Variants in LRRTM3 observed in about 807,000 individuals in gnomAD.
LRRTM3 encodes the protein leucine rich repeat transmembrane neuronal 3, also known as leucine-rich repeat transmembrane neuronal protein 3.
LRRTM3 carries 24 observed loss-of-function variants against 44.7 expected under a neutral mutation model. The ratio of observed to expected loss-of-function variants is 0.54; its 90% CI spans 0.39 to 0.76. The LOEUF is 0.76. LRRTM3 is among the 30% of genes least tolerant of loss of function. The probability of loss-of-function intolerance (pLI) is 0.00; values close to 1 mark genes in which losing one functional copy is unlikely to be tolerated. For synonymous variants in LRRTM3, 277 were observed against 278.7 expected, an observed-to-expected ratio of 0.99 and a Z score of 0.06; for missense variants, 587 against 702.2, an observed-to-expected ratio of 0.84 and a Z score of 1.85.
intron 2 of LRRTM3, among the ~76,000 whole-genome samples, chr10:66,998,436 A>G (rs1340633887): frequency 2.6e-5 from 4 of 152,192 alleles, no homozygotes; most frequent in African/African-American, 9.6e-5. Flanking sequence ...CCCAATAAAT[A>G]CAAAGGGACT....
chr10:67,023,876 C>A (rs1236138741), intron 2 of LRRTM3, among the ~76,000 whole-genome samples: 1 of 152,164 alleles, frequency 6.6e-6, no homozygotes, highest in East Asian at 1.9e-4. Context: ...GAATGACACT[C>A]AATACTTGGA....
intron 2 of LRRTM3, among the ~76,000 whole-genome samples, chr10:67,062,860 G>C (rs1181834136): frequency 6.6e-6 from 1 of 152,162 alleles, no homozygotes; most frequent in Non-Finnish European, 1.5e-5. Context: ...TGTCAGACCT[G>C]AAGTTTGTGT....
intron 2 of LRRTM3, among the ~76,000 whole-genome samples, chr10:66,978,361 A>G (rs1308701298): frequency 6.6e-6 from 1 of 151,246 alleles, no homozygotes; most frequent in African/African-American, 2.4e-5. Flanking sequence ...CCCTGTCTCT[A>G]CTAAAAATAC....
chr10:67,007,000 T>C (rs1852031341), intron 2 of LRRTM3, among the ~76,000 whole-genome samples: 1 of 152,174 alleles, frequency 6.6e-6, no homozygotes, highest in African/African-American at 2.4e-5. Context: ...TTCACCATGT[T>C]GGCCAGGCTG....
intron 2 of LRRTM3, among the ~76,000 whole-genome samples, chr10:67,030,206 T>C (rs1170008758): frequency 6.6e-6 from 1 of 152,222 alleles, no homozygotes; most frequent in African/African-American, 2.4e-5. Context: ...TTATTGCATT[T>C]TTACACTTAG....
intron 2 of LRRTM3, 97 bp from the exon 3 acceptor site, chr10:67,097,490 A>G (rs1858074522): frequency 2.9e-6 from 3 of 1,030,872 alleles, no homozygotes; most frequent in Non-Finnish European, 4.4e-6. Context: ...AGATATAACC[A>G]TGGAGGTTAG....
chr10:66,974,190 T>C (rs891234696), intron 2 of LRRTM3, among the ~76,000 whole-genome samples: 4 of 152,304 alleles, frequency 2.6e-5, no homozygotes, highest in Admixed American at 2.6e-4. Flanking sequence ...AATCATTCAA[T>C]GTAGGTTTTT....
intron 2 of LRRTM3, among the ~76,000 whole-genome samples, chr10:67,017,557 T>C (rs1852731918): frequency 6.6e-6 from 1 of 152,180 alleles, no homozygotes; most frequent in East Asian, 1.9e-4. Flanking sequence ...TTAAGAAATA[T>C]ACTGTGATTC....
chr10:67,004,090 TA>T (rs533856596), intron 2 of LRRTM3, among the ~76,000 whole-genome samples: 3,202 of 145,124 alleles, frequency 0.022, 48 homozygotes, highest in Non-Finnish European at 0.033. Flanking sequence ...ATTTTGATGT[TA>T]AAAAAAAAAA....
chr10:67,002,631 T>C (rs977086631), intron 2 of LRRTM3, among the ~76,000 whole-genome samples: 3 of 152,148 alleles, frequency 2.0e-5, no homozygotes, highest in Non-Finnish European at 4.4e-5. Context: ...ATGGCTCTAA[T>C]GGCTAGCTGG....
chr10:66,958,471 A>T (rs953384073), intron 2 of LRRTM3, among the ~76,000 whole-genome samples: 3 of 151,464 alleles, frequency 2.0e-5, no homozygotes, highest in African/African-American at 7.3e-5. Flanking sequence ...TTTTTTTTTT[A>T]AAAAAAATAG....
chr10:66,980,695 T>G (rs1850377306), intron 2 of LRRTM3, among the ~76,000 whole-genome samples: 1 of 152,208 alleles, frequency 6.6e-6, no homozygotes, highest in Non-Finnish European at 1.5e-5. Context: ...TACAAAATTG[T>G]GCCAACTGAA....
At chr10:66,937,887 T>C (rs1847795147) in intron 2 of LRRTM3, among the ~76,000 whole-genome samples, 1 of 152,116 alleles carries the variant, frequency 6.6e-6, no homozygotes, top group South Asian at 2.1e-4. Context: ...TTCCCTCTTT[T>C]CTGTTTTTTT....
chr10:67,037,388 G>GA (rs66693044), intron 2 of LRRTM3, among the ~76,000 whole-genome samples: 3,177 of 145,564 alleles, frequency 0.022, 114 homozygotes, highest in African/African-American at 0.075. Flanking sequence ...AAAGAAAAAA[G>GA]AAAAAAAAAA....
chr10:67,074,810 T>A lies in LRRTM3; in HGVS notation c.1537-22777T>A, dbSNP rs1322948456. On this transcript the variant is annotated intron_variant, in intron 2 of 2. Coordinates refer to ENST00000361320, the MANE Select transcript of LRRTM3 (RefSeq NM_178011.5). ...CATTCTTAATATTATGAACATAACA[T>A]AATTTATTTATGTATGTATGTATAT... Among the ~76,000 whole-genome samples, 5 of 148,632 alleles carry A rather than the reference T, an allele frequency of 3.4e-5. No homozygotes were observed. In the East Asian group the frequency reaches 9.8e-4, roughly 29 times the overall value.
intron 2 of LRRTM3, among the ~76,000 whole-genome samples, chr10:66,944,952 C>T (rs1253803584): frequency 6.6e-6 from 1 of 152,156 alleles, no homozygotes; most frequent in African/African-American, 2.4e-5. Context: ...GCTATAAACA[C>T]ATGTGCTATC....
At chr10:66,971,832 G>A (rs1849740153) in intron 2 of LRRTM3, among the ~76,000 whole-genome samples, 1 of 151,052 alleles carries the variant, frequency 6.6e-6, no homozygotes, top group Non-Finnish European at 1.5e-5. Context: ...TTAACAATAG[G>A]TTCTTCTCTT....
intron 2 of LRRTM3, among the ~76,000 whole-genome samples, chr10:67,090,765 GCC>G (rs1394078543): frequency 6.6e-6 from 1 of 151,996 alleles, no homozygotes; most frequent in East Asian, 1.9e-4. Flanking sequence ...CGCAACAAAT[GCC>G]CACAGCTTCT....
intron 2 of LRRTM3, among the ~76,000 whole-genome samples, chr10:66,931,148 G>A (rs146323522): frequency 1.6e-4 from 22 of 134,924 alleles, no homozygotes; most frequent in Non-Finnish European, 2.8e-4. Context: ...TTTCTAGTAC[G>A]TATTTACATA....
Sources: gnomAD v4.1 joint callset for allele counts (sites outside exome capture counted in the v4.1 genomes callset) on GRCh38, gnomAD v4.1.1 for gene constraint, MANE v1.5 for transcripts, NCBI Gene and HGNC (gene_info 2026-07-23, HGNC 2026-07-21) for gene names.